Variants in FER1L6 observed in about 807,000 individuals in gnomAD.
FER1L6 encodes the protein fer-1-like protein 6.
FER1L6 carries 177 observed loss-of-function variants against 219.2 expected under a neutral mutation model. The ratio of observed to expected loss-of-function variants is 0.81; its 90% CI spans 0.71 to 0.91. The LOEUF is 0.91. FER1L6 is among the 40% of genes least tolerant of loss of function. The pLI, the probability that FER1L6 is intolerant of heterozygous loss-of-function variation, is 0.00. For synonymous variants in FER1L6, 768 were observed against 824.3 expected, an observed-to-expected ratio of 0.93 and a Z score of 1.17; for missense variants, 2,153 against 2,259.9, an observed-to-expected ratio of 0.95 and a Z score of 0.96.
Position 124,091,574 on chromosome 8 carries a change from G to T in FER1L6, c.4543G>T (p.Glu1515Ter). The change falls in exon 34 of 41, where the codon GAG becomes TAG. Residue 1515 changes from glutamate to a stop codon, truncating the protein, a stop_gained. Transcript: ENST00000522917. LOFTEE classifies it high-confidence loss of function. ...TTCTGGAAAAACTATCTTCACTGAA[G>T]AGGACACTGGTAACTCCCTGCAAAA... is the stretch of plus-strand genomic sequence containing the variant. ...VFSGKTIFTE[E>*]DTDETVESYE... 6.2e-7 allele frequency: 1 copy of T among 1,613,778 alleles called. No homozygotes were observed.
chr8:123,899,267 A>G (rs1182388990), intron 1 of FER1L6, among the ~76,000 whole-genome samples: 1 of 151,756 alleles, frequency 6.6e-6, no homozygotes, highest in Non-Finnish European at 1.5e-5. Flanking sequence ...TGATTTCAGC[A>G]TTTTTTCATG....
chr8:124,046,565 T>C (rs1240979263), intron 21 of FER1L6: 1 of 152,226 alleles, frequency 6.6e-6, no homozygotes, highest in African/African-American at 2.4e-5. Context: ...TTTGTTTCTT[T>C]ATTTAATATC....
intron 30 of FER1L6, among the ~76,000 whole-genome samples, chr8:124,071,162 G>T (rs1275179669): frequency 6.6e-6 from 1 of 152,156 alleles, no homozygotes; most frequent in East Asian, 1.9e-4. Flanking sequence ...TTGCTGTCTG[G>T]AAATAGGAAT....
chr8:123,899,486 C>G (rs372134037), intron 1 of FER1L6, among the ~76,000 whole-genome samples: 9 of 152,114 alleles, frequency 5.9e-5, no homozygotes, highest in African/African-American at 1.9e-4. Flanking sequence ...GCTGACTGTT[C>G]CTTTTGCCAT....
At chr8:124,088,988 G>A (rs1220569518) in intron 33 of FER1L6, among the ~76,000 whole-genome samples, 1 of 152,106 alleles carries the variant, frequency 6.6e-6, no homozygotes, top group Non-Finnish European at 1.5e-5. Context: ...GCACTCCCAT[G>A]GCTGCCCCAG....
At chr8:123,931,278 C>T (rs1315033410) in intron 1 of FER1L6, among the ~76,000 whole-genome samples, 2 of 152,204 alleles carry the variant, frequency 1.3e-5, no homozygotes, top group South Asian at 2.1e-4. Context: ...AGTTTTACCC[C>T]AGCCTGAGCT....
intron 2 of FER1L6, among the ~76,000 whole-genome samples, chr8:123,958,800 C>T (rs1677753664): frequency 1.3e-5 from 2 of 151,610 alleles, no homozygotes; most frequent in Admixed American, 1.3e-4. Flanking sequence ...ATTTAAGCTA[C>T]AACCTCAAGG....
At chr8:123,974,215 C>T (rs1043273159) in intron 7 of FER1L6, among the ~76,000 whole-genome samples, 4 of 152,156 alleles carry the variant, frequency 2.6e-5, no homozygotes, top group African/African-American at 7.2e-5. Context: ...AGCATAGCTG[C>T]GTGCAGCAGC....
At chr8:124,049,493 C>A in intron 21 of FER1L6, 114 bp from the exon 22 acceptor site, 2 of 1,205,892 alleles carry the variant, frequency 1.7e-6, no homozygotes, top group Non-Finnish European at 2.4e-6. Context: ...AAGAGTGAGA[C>A]ATGGAAGCTG....
chr8:123,954,125 A>G (rs190762845), intron 1 of FER1L6, among the ~76,000 whole-genome samples: 32 of 152,282 alleles, frequency 2.1e-4, no homozygotes, highest in Admixed American at 3.3e-4. Context: ...TTTCCATTAT[A>G]CACAGGAGGA....
intron 2 of FER1L6, among the ~76,000 whole-genome samples, chr8:123,961,446 T>C (rs1019293769): frequency 2.4e-4 from 37 of 152,212 alleles, no homozygotes; most frequent in African/African-American, 8.9e-4. Flanking sequence ...ACATGTCTTT[T>C]GTTAACTTAA....
intron 33 of FER1L6, 43 bp downstream of exon 33, chr8:124,082,501 G>A (rs760533469): frequency 6.3e-7 from 1 of 1,583,854 alleles, no homozygotes; most frequent in South Asian, 1.1e-5. Context: ...TTCTGAAGCT[G>A]TTGTAGCCTT....
At chr8:123,946,588 T>C (rs1814501759) in intron 1 of FER1L6, among the ~76,000 whole-genome samples, 1 of 152,186 alleles carries the variant, frequency 6.6e-6, no homozygotes, top group Non-Finnish European at 1.5e-5. Flanking sequence ...GTTTTCAAAC[T>C]TTAAAACTTA....
intron 12 of FER1L6, among the ~76,000 whole-genome samples, chr8:123,991,780 G>T (rs1816863001): frequency 6.6e-6 from 1 of 152,076 alleles, no homozygotes; most frequent in Non-Finnish European, 1.5e-5. Context: ...AGTTCTTAGG[G>T]GAAATGCTTT....
At chr8:123,944,901 T>G (rs1168560356) in intron 1 of FER1L6, among the ~76,000 whole-genome samples, 1 of 152,184 alleles carries the variant, frequency 6.6e-6, no homozygotes, top group Admixed American at 6.5e-5. Context: ...CTTCTCCTTG[T>G]TTTACATATG....
chr8:124,110,228 A>G (rs1332665343), intron 39 of FER1L6, among the ~76,000 whole-genome samples: 1 of 152,156 alleles, frequency 6.6e-6, no homozygotes, highest in East Asian at 1.9e-4. Flanking sequence ...AGCACTAAAC[A>G]CTGAATGTAT....
chr8:123,951,334 A>G (rs948484620), intron 1 of FER1L6, among the ~76,000 whole-genome samples: 1 of 152,260 alleles, frequency 6.6e-6, no homozygotes, highest in Non-Finnish European at 1.5e-5. Context: ...TTGGGGCATC[A>G]TTGCCTTAAT....
intron 1 of FER1L6, among the ~76,000 whole-genome samples, chr8:123,865,645 T>A (rs1195785160): frequency 2.0e-5 from 3 of 151,060 alleles, no homozygotes; most frequent in Non-Finnish European, 4.4e-5. Context: ...TCCGTGGGCG[T>A]AGGACCCTCC....
At chr8:124,031,072 C>A (rs1057225930) in intron 18 of FER1L6, among the ~76,000 whole-genome samples, 1 of 151,756 alleles carries the variant, frequency 6.6e-6, no homozygotes, top group African/African-American at 2.4e-5. Flanking sequence ...CCATGCTATT[C>A]TCAGAGGGAA....
Sources: gnomAD v4.1 joint callset for allele counts (sites outside exome capture counted in the v4.1 genomes callset) on GRCh38, gnomAD v4.1.1 for gene constraint, MANE v1.5 for transcripts, NCBI Gene and HGNC (gene_info 2026-07-23, HGNC 2026-07-21) for gene names.